ADAMTSL1: variants seen among roughly 807,000 people sequenced by gnomAD.
ADAMTSL1 encodes the protein ADAMTS-like protein 1.
Under a neutral mutation model 201.8 loss-of-function variants are expected in ADAMTSL1, and 126 were observed. The ratio of observed to expected loss-of-function variants is 0.62; its 90% confidence interval spans 0.54 to 0.72. ADAMTSL1 has a LOEUF of 0.72. Among genes scored for constraint, ADAMTSL1 ranks in the 30% least tolerant of loss-of-function variants. The pLI is 0.00. For synonymous variants in ADAMTSL1, 1,121 were observed against 903.4 expected, an observed-to-expected ratio of 1.24 and a Z score of -4.32; for missense variants, 2,679 against 2,277.8, an observed-to-expected ratio of 1.18 and a Z score of -3.59.
chr9:18,003,817 A>G (rs1819708441), intron 1 of ADAMTSL1, among the ~76,000 whole-genome samples: 1 of 152,032 alleles, frequency 6.6e-6, no homozygotes, highest in South Asian at 2.1e-4. Flanking sequence ...ATATGAAATA[A>G]AACTCATGTG....
At chr9:18,110,233 C>T (rs537061821) in intron 1 of ADAMTSL1, among the ~76,000 whole-genome samples, 7 of 152,234 alleles carry the variant, frequency 4.6e-5, no homozygotes, top group Non-Finnish European at 4.4e-5. Context: ...ATCTGAGGGC[C>T]GTTGGCTATA....
intron 15 of ADAMTSL1, among the ~76,000 whole-genome samples, chr9:18,749,249 C>T (rs946326096): frequency 2.0e-5 from 3 of 152,034 alleles, no homozygotes; most frequent in Non-Finnish European, 2.9e-5. Context: ...ATAGACATAG[C>T]CCCATGCTTT....
At chr9:18,752,486 G>C (rs946729127) in intron 15 of ADAMTSL1, among the ~76,000 whole-genome samples, 2 of 152,198 alleles carry the variant, frequency 1.3e-5, no homozygotes, top group African/African-American at 4.8e-5. Context: ...TGCTTCTGAC[G>C]TACAGCCTGA....
intron 3 of ADAMTSL1, among the ~76,000 whole-genome samples, chr9:18,541,649 A>G (rs554935053): frequency 3.9e-5 from 6 of 152,340 alleles, no homozygotes; most frequent in Non-Finnish European, 7.3e-5. Flanking sequence ...GCCCTCTTGA[A>G]TCCTGAGCTG....
At chr9:18,837,059 T>G (rs1476749887) in intron 23 of ADAMTSL1, among the ~76,000 whole-genome samples, 1 of 152,184 alleles carries the variant, frequency 6.6e-6, no homozygotes, top group Non-Finnish European at 1.5e-5. Context: ...TGAAGAGAGA[T>G]AGTTTGACTT....
chr9:18,309,705 C>G (rs1414166635), intron 2 of ADAMTSL1, among the ~76,000 whole-genome samples: 2 of 151,910 alleles, frequency 1.3e-5, no homozygotes, highest in African/African-American at 4.8e-5. Context: ...AATAGAAAAG[C>G]ATTCCATGCT....
chr9:18,716,783 G>A (rs998060051), intron 14 of ADAMTSL1, among the ~76,000 whole-genome samples: 2 of 144,860 alleles, frequency 1.4e-5, no homozygotes, highest in Admixed American at 7.1e-5. Context: ...AAAGACACAT[G>A]CACACATATG....
intron 1 of ADAMTSL1, among the ~76,000 whole-genome samples, chr9:18,075,231 A>C (rs1823163251): frequency 6.6e-6 from 1 of 152,198 alleles, no homozygotes; most frequent in African/African-American, 2.4e-5. Context: ...TACTTAGTCT[A>C]ATAAGAATAT....
intron 2 of ADAMTSL1, among the ~76,000 whole-genome samples, chr9:18,304,809 G>A (rs1833845147): frequency 6.6e-6 from 1 of 152,040 alleles, no homozygotes; most frequent in Non-Finnish European, 1.5e-5. Context: ...TTTCTCATGG[G>A]TCTAAATTAG....
At chr9:18,290,583 A>T (rs1271601819) in intron 2 of ADAMTSL1, among the ~76,000 whole-genome samples, 2 of 151,992 alleles carry the variant, frequency 1.3e-5, no homozygotes, top group African/African-American at 4.8e-5. Context: ...AAAAGACCAC[A>T]ACAGGATCTT....
intron 23 of ADAMTSL1, among the ~76,000 whole-genome samples, chr9:18,878,593 C>T (rs1828320991): frequency 6.6e-6 from 1 of 152,240 alleles, no homozygotes; most frequent in Non-Finnish European, 1.5e-5. Flanking sequence ...CATTTGGGAG[C>T]AGATTCTCAC....
At chr9:18,886,188 A>ATATG (rs1828865200) in intron 23 of ADAMTSL1, among the ~76,000 whole-genome samples, 1 of 130,712 alleles carries the variant, frequency 7.7e-6, no homozygotes, top group Non-Finnish European at 1.6e-5. Flanking sequence ...ATATATATAT[A>ATATG]TATATATATA....
chr9:18,902,186 A>G (rs60830949), intron 26 of ADAMTSL1, among the ~76,000 whole-genome samples: 1,660 of 152,334 alleles, frequency 0.011, 21 homozygotes, highest in African/African-American at 0.029. Context: ...ACCCACTTTC[A>G]ACAATCGATA....
chr9:18,245,472 G>T (rs1831226119), intron 2 of ADAMTSL1, among the ~76,000 whole-genome samples: 1 of 152,098 alleles, frequency 6.6e-6, no homozygotes, highest in African/African-American at 2.4e-5. Context: ...GGCATTGCAG[G>T]TCTAGAGTAT....
intron 1 of ADAMTSL1, among the ~76,000 whole-genome samples, chr9:17,985,755 G>A (rs1818902847): frequency 6.6e-6 from 1 of 152,088 alleles, no homozygotes. Context: ...TTATAAATGA[G>A]CAAAATAAGA....
At chr9:18,229,864 TTTTTGTATTTTTAGTAGAGA>T (rs1383051463) in intron 2 of ADAMTSL1, among the ~76,000 whole-genome samples, 3 of 151,890 alleles carry the variant, frequency 2.0e-5, no homozygotes, top group Non-Finnish European at 4.4e-5. Context: ...CCCGGCTAAT[TTTTTGTATTTTTAGTAGAGA>T]TGGGCTTTCA....
At chr9:18,014,902 A>G (rs2131566012) in intron 1 of ADAMTSL1, among the ~76,000 whole-genome samples, 1 of 152,114 alleles carries the variant, frequency 6.6e-6, no homozygotes. Flanking sequence ...CTCTATTGAC[A>G]TTTGTAATGA....
intron 2 of ADAMTSL1, among the ~76,000 whole-genome samples, chr9:18,214,185 C>G (rs1028748279): frequency 6.6e-6 from 1 of 152,178 alleles, no homozygotes; most frequent in African/African-American, 2.4e-5. Flanking sequence ...CAGTATTCCT[C>G]TTTTCTCTCC....
At chr9:18,169,423 A>T (rs1261460415) in intron 2 of ADAMTSL1, among the ~76,000 whole-genome samples, 3 of 152,098 alleles carry the variant, frequency 2.0e-5, no homozygotes, top group Non-Finnish European at 2.9e-5. Flanking sequence ...TTTGCCAAAG[A>T]TCAGATAGTT....
Sources: allele counts gnomAD v4.1 joint callset (sites outside exome capture counted in the v4.1 genomes callset), GRCh38; gene constraint gnomAD v4.1.1; transcripts MANE v1.5; gene names NCBI Gene and HGNC (gene_info 2026-07-23, HGNC 2026-07-21).